Variants in DIS3L observed in about 807,000 individuals in gnomAD.
The protein encoded by DIS3L is DIS3-like exonuclease 1.
Under a neutral mutation model 120.3 loss-of-function variants are expected in DIS3L, and 100 were observed. The observed-to-expected ratio is 0.83, with a 90% CI of 0.71 to 0.98. DIS3L has a LOEUF of 0.98. Ranked by LOEUF, DIS3L falls within the 50% of genes least tolerant of loss-of-function variation. The pLI is 0.00. For missense variants in DIS3L, 1,196 were observed against 1,314.2 expected, an observed-to-expected ratio of 0.91 and a Z score of 1.39; for synonymous variants, 426 against 470.6, an observed-to-expected ratio of 0.91 and a Z score of 1.23.
chr15:66,316,554 G>T (rs917848349), intron 7 of DIS3L, among the ~76,000 whole-genome samples: 2 of 152,136 alleles, frequency 1.3e-5, no homozygotes, highest in Admixed American at 1.3e-4. Flanking sequence ...TGTGGCTCAT[G>T]CCTGTAATCC....
At chr15:66,332,678 C>A in intron 15 of DIS3L, 58 bp from the exon 16 acceptor site, 3 of 1,460,478 alleles carry the variant, frequency 2.1e-6, no homozygotes, top group Non-Finnish European at 2.8e-6. Context: ...GATAAGCATA[C>A]AAGATCTGTG....
Position 66,318,632 on chromosome 15 carries a change from T to A in DIS3L, c.1164+14T>A, listed in dbSNP as rs745743784. The A allele has an allele frequency of 6.2e-7, 1 of 1,613,200 alleles. No individual in the cohort carries two copies. Among genetic ancestry groups the A allele is most frequent in the Non-Finnish European group, 8.5e-7 (1 of 1,179,510 alleles). ...GAAACCCTCCAGGTAGTTGGCATTC[T>A]ACCTCTACTATGGGATCTCTACGCT... On this transcript the variant is annotated intron_variant, in intron 8 of 16. Coordinates refer to ENST00000319212, the MANE Select transcript of DIS3L (RefSeq NM_001143688.3).
chr15:66,293,837 G>A, intron 1 of DIS3L, 102 bp downstream of exon 1: 2 of 1,027,824 alleles, frequency 1.9e-6, no homozygotes, highest in Non-Finnish European at 2.3e-6. Flanking sequence ...GCGGGGACAC[G>A]GAGGCGTAGG....
chr15:66,293,374 C>G (rs1295705969), upstream of DIS3L: 1 of 822,760 alleles, frequency 1.2e-6, no homozygotes, highest in Non-Finnish European at 1.6e-6. Flanking sequence ...TGGGGTAGGT[C>G]GTTTCCACCC....
intron 2 of DIS3L, among the ~76,000 whole-genome samples, chr15:66,305,331 G>T (rs1262261729): frequency 6.6e-6 from 1 of 151,896 alleles, no homozygotes; most frequent in Non-Finnish European, 1.5e-5. Context: ...TTCTAATAAA[G>T]TGTAAGACCA....
Position 66,332,857 on chromosome 15 carries a change from TCTA to T in DIS3L, c.2808_2810del (p.Thr938del), listed in dbSNP as rs1271412228. 1.2e-6 allele frequency: 2 copies of T among 1,613,910 alleles called. No homozygotes were observed. Among genetic ancestry groups the T allele is most frequent in the Non-Finnish European group, 1.7e-6 (2 of 1,179,974 alleles). ...TCAACGATTTCAAAACAAAATTACC[TCTA>T]CTACAACAGATGGGGAATCTGTTAC... On this transcript the variant is annotated inframe_deletion, in exon 16 of 17. Coordinates refer to ENST00000319212, the MANE Select transcript of DIS3L (RefSeq NM_001143688.3).
intron 4 of DIS3L, among the ~76,000 whole-genome samples, chr15:66,309,798 T>G (rs2092742530): frequency 6.6e-6 from 1 of 152,164 alleles, no homozygotes; most frequent in East Asian, 1.9e-4. Flanking sequence ...TTTTTCCAAC[T>G]GTTCTTCACT....
chr15:66,322,453 G>T (rs185102611), intron 9 of DIS3L, among the ~76,000 whole-genome samples: 133 of 152,278 alleles, frequency 8.7e-4, no homozygotes, highest in Middle Eastern at 3.4e-3. Flanking sequence ...GTCCTCAGGG[G>T]TGTAGGACTT....
At chr15:66,315,466 G>A (rs1433799819) in intron 7 of DIS3L, among the ~76,000 whole-genome samples, 1 of 152,086 alleles carries the variant, frequency 6.6e-6, no homozygotes, top group African/African-American at 2.4e-5. Context: ...ACCTCACTAT[G>A]TGATGAAAAC....
intron 4 of DIS3L, among the ~76,000 whole-genome samples, chr15:66,309,099 A>AT (rs1368241202): frequency 8.8e-6 from 1 of 113,690 alleles, no homozygotes; most frequent in Non-Finnish European, 1.8e-5. Flanking sequence ...AAAAAAATAT[A>AT]TATATCTCCA....
At chr15:66,295,474 CTTAT>C (rs1263056630) in intron 2 of DIS3L, among the ~76,000 whole-genome samples, 1 of 152,092 alleles carries the variant, frequency 6.6e-6, no homozygotes, top group Non-Finnish European at 1.5e-5. Context: ...ATTATTTAAT[CTTAT>C]TTATAGATAC....
chr15:66,323,012 C>CA, intron 10 of DIS3L, 78 bp downstream of exon 10: 1 of 1,541,626 alleles, frequency 6.5e-7, no homozygotes, highest in Non-Finnish European at 8.8e-7. Flanking sequence ...TTCAGGTGTT[C>CA]AAAGATCTCA....
At chr15:66,302,415 G>C (rs1455674129) in intron 2 of DIS3L, among the ~76,000 whole-genome samples, 1 of 152,158 alleles carries the variant, frequency 6.6e-6, no homozygotes, top group East Asian at 1.9e-4. Context: ...GTGAAGGTGT[G>C]AAAACAAATG....
At chr15:66,319,825 T>C (rs1055589854) in intron 8 of DIS3L, among the ~76,000 whole-genome samples, 4 of 151,912 alleles carry the variant, frequency 2.6e-5, no homozygotes, top group Admixed American at 2.6e-4. Context: ...TTAAGAGGTC[T>C]TCAAAGAGAC....
At chr15:66,323,052 G>GAA in intron 10 of DIS3L, 118 bp downstream of exon 10, 8 of 1,266,754 alleles carry the variant, frequency 6.3e-6, no homozygotes, top group African/African-American at 1.5e-5. Context: ...GTCCCTTCCA[G>GAA]AAAAAAAAAG....
chr15:66,308,670 TCTGC>T (rs1312900588), intron 3 of DIS3L, 35 bp from the exon 4 acceptor site: 7 of 1,582,324 alleles, frequency 4.4e-6, no homozygotes, highest in Non-Finnish European at 5.2e-6. Flanking sequence ...CTTGTGTTTG[TCTGC>T]CTGGGGAGAG....
chr15:66,303,130 T>C (rs2140330834), intron 2 of DIS3L, among the ~76,000 whole-genome samples: 1 of 152,364 alleles, frequency 6.6e-6, no homozygotes, highest in East Asian at 1.9e-4. Context: ...ACCCATGTTA[T>C]GGCATGTGTT....
At chr15:66,320,105 T>A (rs533944263) in intron 8 of DIS3L, among the ~76,000 whole-genome samples, 1 of 152,082 alleles carries the variant, frequency 6.6e-6, no homozygotes, top group East Asian at 1.9e-4. Flanking sequence ...GCCTGGTTGA[T>A]AGAGCAAGAC....
At chr15:66,313,769 GTATA>G (rs755352490) in intron 5 of DIS3L, among the ~76,000 whole-genome samples, 2 of 123,336 alleles carry the variant, frequency 1.6e-5, no homozygotes, top group Non-Finnish European at 3.9e-5. Context: ...GTGTGTGTGT[GTATA>G]TATATATGTG....
Sources: gnomAD v4.1 joint callset for allele counts (sites outside exome capture counted in the v4.1 genomes callset) on GRCh38, gnomAD v4.1.1 for gene constraint, MANE v1.5 for transcripts, NCBI Gene and HGNC (gene_info 2026-07-23, HGNC 2026-07-21) for gene names.